The following USP6 variants were observed in gnomAD, a reference collection of about 807,000 sequenced individuals.
USP6 encodes the protein ubiquitin carboxyl-terminal hydrolase 6.
Under a neutral mutation model 175.7 loss-of-function variants are expected in USP6, and 128 were observed. The observed-to-expected ratio is 0.73, with a 90% CI of 0.63 to 0.84. The LOEUF (loss-of-function observed/expected upper bound fraction) is 0.84. Ranked by LOEUF, USP6 falls within the 40% of genes least tolerant of loss-of-function variation. The pLI is 0.00. For missense variants in USP6, 1,498 were observed against 1,760.3 expected (o/e 0.85, Z 2.67); for synonymous variants, 562 against 630.6 (o/e 0.89, Z 1.63).
chr17:5,128,807 GCGTCTGTGTTCTACGGCAGTTACACA>G (rs1288715802), intron 7 of USP6, 119 bp from the exon 8 acceptor site: 1 of 152,700 alleles, frequency 6.5e-6, no homozygotes, highest in Non-Finnish European at 1.5e-5. Context: ...TCTCCAGACT[GCGTCTGTGTTCTACGGCAGTTACACA>G]CACGCAGTGG....
At chr17:5,127,821 T>G (rs2143800710) in intron 7 of USP6, among the ~76,000 whole-genome samples, 182 bp downstream of exon 7, 1 of 152,380 alleles carries the variant, frequency 6.6e-6, no homozygotes, top group East Asian at 1.9e-4. Flanking sequence ...TGTAATACAA[T>G]GCAGATGCTA....
chr17:5,173,274 A>G lies in USP6; in HGVS notation c.*296A>G. ...ATTGAATTGTGCTTGTCCAGATATGAACAAATATGTAGTGAGTATAGAGTT... is the reference window on the plus strand; with the variant it reads ...ATTGAATTGTGCTTGTCCAGATATGGACAAATATGTAGTGAGTATAGAGTT... On this transcript the variant is annotated 3_prime_UTR_variant, in exon 38 of 38. Coordinates refer to ENST00000574788, the MANE Select transcript of USP6 (RefSeq NM_001304284.2). The G allele has an allele frequency of 2.8e-6, 1 of 361,134 alleles. No individual in the cohort carries two copies. Among genetic ancestry groups the G allele is most frequent in the Non-Finnish European group, 5.1e-6 (1 of 196,704 alleles). 22.4% of individuals were successfully genotyped at this position (361,134 alleles called of 1,614,324 possible).
chr17:5,145,166 A>G (rs2073570862), intron 26 of USP6, among the ~76,000 whole-genome samples: 1 of 152,222 alleles, frequency 6.6e-6, no homozygotes, highest in Non-Finnish European at 1.5e-5. Context: ...ACAGTGACCA[A>G]TAGGCATGCT....
chr17:5,171,871 TAAAG>T lies in USP6; in HGVS notation c.4047+194_4047+197del, dbSNP rs565580401. ...TGAAAACATGAGTAGTGAGGAAAAA[TAAAG>T]AGTTAGTTGACCGGGCGCAGTGGCT... On this transcript the variant is annotated intron_variant, in intron 37 of 37. Coordinates refer to ENST00000574788, the MANE Select transcript of USP6 (RefSeq NM_001304284.2). 4.4e-3 allele frequency among the ~76,000 whole-genome samples: 665 copies of T among 152,168 alleles called. 3 individuals carry two copies. The highest frequency in any genetic ancestry group is 0.015 in the African/African-American group (631 of 41,512).
At chr17:5,133,013 C>G (rs201366211) in intron 13 of USP6, 23 bp downstream of exon 13, 1 of 1,611,580 alleles carries the variant, frequency 6.2e-7, no homozygotes, top group Non-Finnish European at 8.5e-7. Flanking sequence ...GGGAGAGGCC[C>G]CTGGAAGCAC....
chr17:5,132,095 C>T lies in USP6; in HGVS notation c.156-301C>T, dbSNP rs1284629700. ...TCTCAGGGCTAACCTTTCTCAGCTCCAGCAGAAAGCACCACCTCAAGTCCA... is the reference window on the plus strand; with the variant it reads ...TCTCAGGGCTAACCTTTCTCAGCTCTAGCAGAAAGCACCACCTCAAGTCCA... On this transcript the variant is annotated intron_variant, in intron 11 of 37. Transcript: ENST00000574788. This position sits in a 1 kb window ranked among gnomAD's most constrained non-coding sequence, Gnocchi z 4.7. 1.1e-5 allele frequency: 12 copies of T among 1,068,446 alleles called. No homozygotes were observed. The South Asian group carries it at 1.3e-4, about 12-fold the overall frequency. 66.2% of individuals were successfully genotyped at this position (1,068,446 alleles called of 1,614,324 possible). A position where few individuals can be genotyped will look rare whatever the true frequency, so the allele number is the denominator to read the frequency against.
Position 5,133,535 on chromosome 17 carries a change from C to T in USP6, c.369C>T (p.Asn123=), listed in dbSNP as rs768113287. The T allele has an allele frequency of 1.3e-4, 210 of 1,610,838 alleles. No homozygotes were observed. Among genetic ancestry groups the T allele is most frequent in the Non-Finnish European group, 1.6e-4 (190 of 1,179,206 alleles). The part of the protein sequence containing the change: ...LLNIQEIKLK[N]PGRYQIMKER... ...ACATTCAGGAAATCAAGTTGAAAAACCCCGGAAGATACCAGGTATGCTCAG... is the reference window on the plus strand; with the variant it reads ...ACATTCAGGAAATCAAGTTGAAAAATCCCGGAAGATACCAGGTATGCTCAG... Residue 123 remains asparagine (N), a synonymous_variant, in exon 14 of 38, where the codon AAC becomes AAT. Coordinates refer to ENST00000574788, the MANE Select transcript of USP6 (RefSeq NM_001304284.2).
intron 31 of USP6, among the ~76,000 whole-genome samples, chr17:5,158,880 T>G (rs1036970906): frequency 4.6e-5 from 7 of 152,124 alleles, no homozygotes; most frequent in African/African-American, 1.7e-4. Flanking sequence ...GACAGAACGG[T>G]CCTTTGGACG....
chr17:5,147,066 T>C lies in USP6; in HGVS notation c.2320-17T>C. 6.2e-7 allele frequency: 1 copy of C among 1,601,462 alleles called. No homozygotes were observed. The highest frequency in any genetic ancestry group is 8.5e-7 in the Non-Finnish European group (1 of 1,170,594). On this transcript the variant is annotated splice_polypyrimidine_tract_variant and intron_variant, in intron 28 of 37. Coordinates refer to ENST00000574788, the MANE Select transcript of USP6 (RefSeq NM_001304284.2). Reference sequence around the variant, plus strand: ...CTGAAACATCTCCCCCTTCTCATCTTGCTGCTGTTTCTGTAGAACTTTCCT... The same window carrying C: ...CTGAAACATCTCCCCCTTCTCATCTCGCTGCTGTTTCTGTAGAACTTTCCT...
In USP6 at chr17:5,123,303, G is replaced by A. The variant is rs553990428; in HGVS notation, c.-1298-1263G>A. Among the ~76,000 whole-genome samples, 374 of 152,142 alleles carry A rather than the reference G, an allele frequency of 2.5e-3. 1 individual carries two copies. Among genetic ancestry groups the A allele is most frequent in the Middle Eastern group, 6.9e-3 (2 of 288 alleles). On this transcript the variant is annotated intron_variant, in intron 4 of 37. Coordinates refer to ENST00000574788, the MANE Select transcript of USP6 (RefSeq NM_001304284.2). ...TCGCCTTTTCCCCGCACCGCCGGTGGGGGGGTGGTAGAGGCAGCGCCTCCC... is the reference window on the plus strand; with the variant it reads ...TCGCCTTTTCCCCGCACCGCCGGTGAGGGGGTGGTAGAGGCAGCGCCTCCC...
chr17:5,152,716 G>T (rs952519430), intron 30 of USP6, among the ~76,000 whole-genome samples: 10 of 152,128 alleles, frequency 6.6e-5, no homozygotes, highest in African/African-American at 2.4e-4. Flanking sequence ...AAAGAATTAG[G>T]GTAGGCACAG....
At chr17:5,168,735 T>C in intron 34 of USP6, 32 bp from the exon 35 acceptor site, 2 of 1,534,722 alleles carry the variant, frequency 1.3e-6, no homozygotes, top group Non-Finnish European at 1.8e-6. Context: ...CAGAACCCTT[T>C]AATGCGATGT....
chr17:5,127,400 T>A (rs2072927911), intron 6 of USP6, 104 bp from the exon 7 acceptor site: 1 of 152,250 alleles, frequency 6.6e-6, no homozygotes, highest in Non-Finnish European at 1.5e-5. Flanking sequence ...GCTTTCTGGA[T>A]CCTGGAGAAA....
At position 5,137,144 on chromosome 17, in the gene USP6, G is replaced by A. The variant is rs766182812; in HGVS notation, c.783G>A (p.Gln261=). The change falls in exon 19 of 38, where the codon CAG becomes CAA. Residue 261 remains glutamine, a synonymous_variant. Coordinates refer to ENST00000574788, the MANE Select transcript of USP6 (RefSeq NM_001304284.2). ...AGGACAAGGAAGGTCTATGCGGGCA[G>A]TGTGCCTCGTTAGGCTGCCTTCTCC... The part of the protein sequence containing the change: ...WHQDKEGLCG[Q]CASLGCLLRN... 1.3e-5 allele frequency: 21 copies of A among 1,613,432 alleles called. No homozygotes were observed. The South Asian group carries it at 1.6e-4, about 13-fold the overall frequency.
intron 34 of USP6, 26 bp downstream of exon 34, chr17:5,168,149 G>C (rs1368016401): frequency 6.4e-7 from 1 of 1,551,476 alleles, no homozygotes; most frequent in African/African-American, 1.4e-5. Context: ...GCCTCTGAGA[G>C]AGCAGGAATC....
intron 29 of USP6, among the ~76,000 whole-genome samples, chr17:5,148,335 C>A (rs533955578): frequency 1.6e-4 from 24 of 152,278 alleles, no homozygotes; most frequent in African/African-American, 5.1e-4. Context: ...TTAATAGTTT[C>A]CAGCAGTTAC....
At chr17:5,167,599 C>T (rs1342321880) in intron 33 of USP6, among the ~76,000 whole-genome samples, 1 of 152,092 alleles carries the variant, frequency 6.6e-6, no homozygotes, top group East Asian at 1.9e-4. Flanking sequence ...GCAACCTCTA[C>T]CTCCCAGACT....
chr17:5,161,056 C>G (rs879735231), intron 31 of USP6, among the ~76,000 whole-genome samples: 1 of 152,194 alleles, frequency 6.6e-6, no homozygotes, highest in South Asian at 2.1e-4. Context: ...TGGTATGTAG[C>G]TTATAACTCT....
chr17:5,125,678 G>GCACA (rs71151842), intron 5 of USP6, 143 bp from the exon 6 acceptor site: 2,745 of 137,614 alleles, frequency 0.02, 35 homozygotes, highest in East Asian at 0.041. Flanking sequence ...ACACGCACAT[G>GCACA]CACACACACA....
Sources: gnomAD v4.1 joint callset for allele counts (sites outside exome capture counted in the v4.1 genomes callset) on GRCh38, gnomAD v4.1.1 for gene constraint, Gnocchi (gnomAD v3.1) non-coding constraint, MANE v1.5 for transcripts, NCBI Gene and HGNC (gene_info 2026-07-23, HGNC 2026-07-21) for gene names.